Variants in AFG2A observed in about 807,000 individuals in gnomAD.
AFG2A encodes the protein ATPase family gene 2 protein homolog A.
At chr4:123,204,772 G>T in the AFG2A span, among the ~76,000 whole-genome samples, 9 of 152,224 alleles carry the variant, frequency 5.9e-5, no homozygotes, top group Non-Finnish European at 1.3e-4. Flanking sequence ...TTAAAGCTGT[G>T]TTTGAAGTAA....
chr4:123,281,891 A>T, the AFG2A span, among the ~76,000 whole-genome samples: 2 of 152,192 alleles, frequency 1.3e-5, no homozygotes, highest in Admixed American at 1.3e-4. Flanking sequence ...GGAAAAAACA[A>T]AACTATGGAG....
chr4:123,085,958 C>G, the AFG2A span, among the ~76,000 whole-genome samples: 428 of 151,980 alleles, frequency 2.8e-3, 1 homozygote, highest in African/African-American at 9.6e-3. Flanking sequence ...GTGCAAGTAC[C>G]TTATAATAAA....
At chr4:122,945,291 C>T in the AFG2A span, among the ~76,000 whole-genome samples, 197 of 152,338 alleles carry the variant, frequency 1.3e-3, 1 homozygote, top group Non-Finnish European at 2.5e-3. Context: ...TGGGCTCCAC[C>T]CAGTTCAAGC....
chr4:123,298,543 A>G, the AFG2A span, among the ~76,000 whole-genome samples: 2 of 152,204 alleles, frequency 1.3e-5, no homozygotes, highest in African/African-American at 4.8e-5. Flanking sequence ...CTGATTTCAC[A>G]TATTTGGAGA....
the AFG2A span, among the ~76,000 whole-genome samples, chr4:123,205,518 GTATAGTA>G: frequency 6.6e-6 from 1 of 152,110 alleles, no homozygotes; most frequent in East Asian, 1.9e-4. Flanking sequence ...TGACAATACA[GTATAGTA>G]ACTATTTACA....
chr4:123,020,009 G>A, the AFG2A span, among the ~76,000 whole-genome samples: 1 of 152,114 alleles, frequency 6.6e-6, no homozygotes, highest in Non-Finnish European at 1.5e-5. Context: ...TAGGTGAATG[G>A]GTGGTTCCCT....
At chr4:122,935,707 C>T in the AFG2A span, 1 of 1,561,804 alleles carries the variant, frequency 6.4e-7, no homozygotes, top group Non-Finnish European at 8.6e-7. Context: ...TCTACTTTTT[C>T]TTCCAGGAAT....
the AFG2A span, among the ~76,000 whole-genome samples, chr4:122,923,551 G>T: frequency 0.015 from 2,347 of 152,204 alleles, 57 homozygotes; most frequent in African/African-American, 0.052. Context: ...AAATTATTTT[G>T]AATTTTTAAG....
chr4:123,295,072 C>G, the AFG2A span, among the ~76,000 whole-genome samples: 1 of 152,176 alleles, frequency 6.6e-6, no homozygotes, highest in Non-Finnish European at 1.5e-5. Flanking sequence ...ATGACCAGCC[C>G]CATTAGCACT....
the AFG2A span, among the ~76,000 whole-genome samples, chr4:123,047,051 T>C: frequency 7.9e-5 from 12 of 152,196 alleles, no homozygotes; most frequent in African/African-American, 1.2e-4. Flanking sequence ...AGTGCTACAA[T>C]AGACATAGGA....
At chr4:123,050,879 G>T in the AFG2A span, among the ~76,000 whole-genome samples, 1 of 151,934 alleles carries the variant, frequency 6.6e-6, no homozygotes, top group Non-Finnish European at 1.5e-5. Context: ...TGAGTAACTA[G>T]GATTACAGGC....
the AFG2A span, among the ~76,000 whole-genome samples, chr4:122,969,400 C>T: frequency 4.1e-4 from 62 of 152,168 alleles, no homozygotes; most frequent in African/African-American, 1.5e-3. Flanking sequence ...GGTTTGTGTT[C>T]ATTTTAGATT....
the AFG2A span, among the ~76,000 whole-genome samples, chr4:123,087,004 T>C: frequency 5.9e-5 from 9 of 152,228 alleles, no homozygotes; most frequent in African/African-American, 1.9e-4. Context: ...ATATTAATCA[T>C]AGTTTTTTAA....
the AFG2A span, among the ~76,000 whole-genome samples, chr4:122,989,007 T>G: frequency 6.6e-6 from 1 of 152,198 alleles, no homozygotes; most frequent in Non-Finnish European, 1.5e-5. Context: ...AATTCTTCAT[T>G]TTTTTCATGC....
chr4:123,239,852 G>A, the AFG2A span, among the ~76,000 whole-genome samples: 1 of 152,088 alleles, frequency 6.6e-6, no homozygotes, highest in Non-Finnish European at 1.5e-5. Context: ...ATGTAAATGG[G>A]CTAAATGCTC....
the AFG2A span, among the ~76,000 whole-genome samples, chr4:123,041,773 C>T: frequency 6.6e-6 from 1 of 151,996 alleles, no homozygotes; most frequent in African/African-American, 2.4e-5. Context: ...GGTGATCCGC[C>T]CACCTCAGCC....
the AFG2A span, among the ~76,000 whole-genome samples, chr4:123,210,475 G>A: frequency 1.3e-5 from 2 of 152,116 alleles, no homozygotes; most frequent in African/African-American, 4.8e-5. Context: ...TTCACTTTAT[G>A]TGATGTCCTC....
the AFG2A span, among the ~76,000 whole-genome samples, chr4:123,214,093 G>A: frequency 5.3e-5 from 8 of 152,194 alleles, no homozygotes; most frequent in East Asian, 9.6e-4. Flanking sequence ...TTGGTAATTA[G>A]CATACAATAG....
At chr4:122,935,690 A>G in the AFG2A span, 1 of 1,553,804 alleles carries the variant, frequency 6.4e-7, no homozygotes, top group Non-Finnish European at 8.7e-7. Flanking sequence ...TGGTGAATCT[A>G]GTGTTTTCTA....
Sources: gnomAD v4.1 joint callset for allele counts (sites outside exome capture counted in the v4.1 genomes callset) on GRCh38, gnomAD v4.1.1 for gene constraint, MANE v1.5 for transcripts, NCBI Gene and HGNC (gene_info 2026-07-23, HGNC 2026-07-21) for gene names.